The following RALYL variants were observed in gnomAD, a reference collection of about 807,000 sequenced individuals.
The protein encoded by RALYL is RNA-binding Raly-like protein.
RALYL carries 29 observed loss-of-function variants against 35.1 expected under a neutral mutation model. That is an observed-to-expected ratio of 0.83 (90% CI 0.61 to 1.13). The LOEUF (loss-of-function observed/expected upper bound fraction) is 1.13, where lower values mean the gene tolerates loss of function less well. RALYL is among the 50% of genes most tolerant of loss of function. The pLI is 0.00. For synonymous variants in RALYL, 120 were observed against 127.6 expected, an observed-to-expected ratio of 0.94 and a Z score of 0.40; for missense variants, 359 against 360.4, an observed-to-expected ratio of 1.00 and a Z score of 0.03.
At chr8:84,844,795 A>G (rs1301891276) in intron 4 of RALYL, among the ~76,000 whole-genome samples, 1 of 152,254 alleles carries the variant, frequency 6.6e-6, no homozygotes, top group Non-Finnish European at 1.5e-5. Context: ...AGCCATAAAA[A>G]TAATGAGTTC....
intron 1 of RALYL, among the ~76,000 whole-genome samples, chr8:84,334,170 C>A (rs896986262): frequency 6.6e-6 from 1 of 152,104 alleles, no homozygotes; most frequent in African/African-American, 2.4e-5. Flanking sequence ...AGGTGTGAGC[C>A]ACCTCACCAG....
chr8:84,285,126 A>C (rs1418248736), intron 1 of RALYL, among the ~76,000 whole-genome samples: 5 of 152,194 alleles, frequency 3.3e-5, no homozygotes, highest in Non-Finnish European at 7.3e-5. Flanking sequence ...ACATTAATGC[A>C]GTCCTCATGA....
rs573216554 is a variant in RALYL at position 84,329,678 on chromosome 8, A to G, written c.-24+145254A>G. 1.1e-3 allele frequency among the ~76,000 whole-genome samples: 166 copies of G among 152,160 alleles called. 3 individuals carry two copies. The highest frequency in any genetic ancestry group is 1.7e-3 in the Non-Finnish European group (115 of 67,968). ...TTTTCCTGTTATATTGTTGTAAATA[A>G]GACTATTTGCTATTTTATTAATGAA... On this transcript the variant is annotated intron_variant, in intron 1 of 8. Transcript: ENST00000521268.
intron 1 of RALYL, among the ~76,000 whole-genome samples, chr8:84,250,205 T>C (rs914559703): frequency 6.6e-6 from 1 of 152,108 alleles, no homozygotes; most frequent in Non-Finnish European, 1.5e-5. Context: ...ACAATAGTGT[T>C]CTAAAATTTA....
rs927420903 is a variant in RALYL, at chr8:84,350,522, A to G, written c.-24+166098A>G. ...TGGTCTGCTTGTGGGTTCCAGAATG[A>G]AATAAATAAGTCTGTAAGAAAATAA... is the stretch of plus-strand genomic sequence containing the variant. On this transcript the variant is annotated intron_variant, in intron 1 of 8. Transcript: ENST00000521268. Among the ~76,000 whole-genome samples the G allele has an allele frequency of 8.6e-5, 13 of 150,328 alleles. 1 individual carries two copies. The highest frequency in any genetic ancestry group is 3.2e-4 in the African/African-American group (13 of 40,414).
chr8:84,837,919 T>C (rs559622341), intron 4 of RALYL, among the ~76,000 whole-genome samples: 1 of 152,354 alleles, frequency 6.6e-6, no homozygotes, highest in East Asian at 1.9e-4. Context: ...AACCTCAGCA[T>C]TTCCTTGGTT....
chr8:84,463,360 C>T (rs138776852), intron 1 of RALYL, among the ~76,000 whole-genome samples: 1 of 152,136 alleles, frequency 6.6e-6, no homozygotes, highest in East Asian at 1.9e-4. Context: ...GCATACTGCA[C>T]TATCATATTA....
chr8:84,778,093 G>A (rs992942389), intron 3 of RALYL, among the ~76,000 whole-genome samples: 4 of 152,128 alleles, frequency 2.6e-5, no homozygotes, highest in Non-Finnish European at 5.9e-5. Flanking sequence ...ATAGAAAATG[G>A]CAAGAACAGG....
At chr8:84,532,119 A>T (rs977997462) in intron 2 of RALYL, among the ~76,000 whole-genome samples, 1 of 152,030 alleles carries the variant, frequency 6.6e-6, no homozygotes, top group East Asian at 1.9e-4. Flanking sequence ...CTCGTCTTTC[A>T]CTACCTCTGT....
chr8:84,479,295 C>T (rs1016959487), intron 1 of RALYL, among the ~76,000 whole-genome samples: 9 of 151,824 alleles, frequency 5.9e-5, no homozygotes, highest in African/African-American at 1.5e-4. Context: ...TAAGTTTTCT[C>T]TTTTGAATGC....
chr8:84,762,367 T>C (rs1812924812), intron 2 of RALYL, among the ~76,000 whole-genome samples: 1 of 152,226 alleles, frequency 6.6e-6, no homozygotes, highest in African/African-American at 2.4e-5. Flanking sequence ...ATTTCCTTGA[T>C]GCCTTGCTCT....
chr8:84,718,834 C>A (rs1194053705), intron 2 of RALYL, among the ~76,000 whole-genome samples: 2 of 152,038 alleles, frequency 1.3e-5, no homozygotes, highest in African/African-American at 4.8e-5. Flanking sequence ...CAAGGCATTT[C>A]TTGACCTGGT....
chr8:84,369,982 AG>A (rs755144253), intron 1 of RALYL, among the ~76,000 whole-genome samples: 2 of 152,244 alleles, frequency 1.3e-5, no homozygotes, highest in South Asian at 2.1e-4. Context: ...TGATTTCAGC[AG>A]GGAGTCTTAT....
intron 5 of RALYL, among the ~76,000 whole-genome samples, chr8:84,860,808 G>A (rs574360670): frequency 1.2e-4 from 18 of 151,756 alleles, no homozygotes; most frequent in East Asian, 1.9e-4. Context: ...AATCATTTTC[G>A]AATACCCTAA....
At position 84,405,879 on chromosome 8, in the gene RALYL, G is replaced by A. The variant is rs531718141; in HGVS notation, c.-23-123420G>A. Among the ~76,000 whole-genome samples the A allele has an allele frequency of 6.3e-5, 9 of 142,318 alleles. No homozygotes were observed. The South Asian group carries it at 1.6e-3, about 25-fold the overall frequency. 93.4% of individuals were successfully genotyped at this position (142,318 alleles called of 152,430 possible). A position where few individuals can be genotyped will look rare whatever the true frequency, so the allele number is the denominator to read the frequency against. On this transcript the variant is annotated intron_variant, in intron 1 of 8. Transcript: ENST00000521268. ...CTTGCTCTGTCACCCAGGCTCAGTG[G>A]CACGATCTCGGCTCACTGCAAGCTC...
intron 1 of RALYL, among the ~76,000 whole-genome samples, chr8:84,470,911 A>G (rs749978148): frequency 1.3e-5 from 2 of 152,234 alleles, no homozygotes; most frequent in Non-Finnish European, 2.9e-5. Context: ...TCATTTAAAT[A>G]GGAGCTCACC....
rs75493276 is a variant in RALYL at position 84,324,866 on chromosome 8, A to T, written c.-24+140442A>T. 4.6e-3 allele frequency among the ~76,000 whole-genome samples: 693 copies of T among 152,130 alleles called. 8 individuals are homozygous for T. The highest frequency in any genetic ancestry group is 0.016 in the African/African-American group (676 of 41,502). Reference sequence around the variant, plus strand: ...TGTTACTAATGCTTCCCTCCTTCATAACCATAATAATGTGCTTTCATCAGG... The same window carrying T: ...TGTTACTAATGCTTCCCTCCTTCATTACCATAATAATGTGCTTTCATCAGG... On this transcript the variant is annotated intron_variant, in intron 1 of 8. Transcript: ENST00000521268.
In RALYL at chr8:84,289,614, TAAAG is replaced by T. The variant is rs1459953634; in HGVS notation, c.-24+105194_-24+105197del. ...TATGTGTGTGCCAACATGAGATTGTTAAAGAAACTCTTTCCAGATTTTATGTTTA... is the reference window on the plus strand; with the variant it reads ...TATGTGTGTGCCAACATGAGATTGTTAAACTCTTTCCAGATTTTATGTTTA... On this transcript the variant is annotated intron_variant, in intron 1 of 8. Coordinates refer to ENST00000521268, the MANE Select transcript of RALYL (RefSeq NM_173848.7). Among the ~76,000 whole-genome samples, 5 of 152,134 alleles carry T rather than the reference TAAAG, an allele frequency of 3.3e-5. No individual in the cohort carries two copies. In the East Asian group the frequency reaches 9.6e-4, roughly 29 times the overall value.
chr8:84,521,900 C>G (rs1286944555), intron 1 of RALYL, among the ~76,000 whole-genome samples: 1 of 152,034 alleles, frequency 6.6e-6, no homozygotes, highest in Admixed American at 6.5e-5. Flanking sequence ...TTCTTAGTAC[C>G]TAATTGTTCT....
Sources: gnomAD v4.1 joint callset for allele counts (sites outside exome capture counted in the v4.1 genomes callset) on GRCh38, gnomAD v4.1.1 for gene constraint, MANE v1.5 for transcripts, NCBI Gene and HGNC (gene_info 2026-07-23, HGNC 2026-07-21) for gene names.